The following MPC1 variants were observed in gnomAD, a reference collection of about 807,000 sequenced individuals.
The protein encoded by MPC1 is HSPC040 protein.
A neutral mutation model predicts 13.9 loss-of-function variants in MPC1; 6 were observed. The ratio of observed to expected loss-of-function variants is 0.43; its 90% CI spans 0.24 to 0.85. The LOEUF is 0.85. Ranked by LOEUF, MPC1 falls within the 40% of genes least tolerant of loss-of-function variation. The pLI, the probability that MPC1 is intolerant of heterozygous loss-of-function variation, is 0.24. For synonymous variants in MPC1, 47 were observed against 50.5 expected (o/e 0.93, Z 0.29); for missense variants, 115 against 143.3 (o/e 0.80, Z 1.01).
chr6:166,368,811 C>T (rs1393120824), intron 2 of MPC1: 3 of 985,350 alleles, frequency 3.0e-6, no homozygotes, highest in African/African-American at 1.7e-5. Context: ...CTTCCTTTTC[C>T]TCCTTTTTTG....
At chr6:166,380,989 T>C (rs1779759539) in intron 1 of MPC1, among the ~76,000 whole-genome samples, 2 of 148,400 alleles carry the variant, frequency 1.3e-5, no homozygotes, top group Admixed American at 6.7e-5. Flanking sequence ...TAAGTAATTA[T>C]CAGCATAATT....
intron 1 of MPC1, among the ~76,000 whole-genome samples, chr6:166,379,776 GAAGAA>G (rs1396164648): frequency 7.2e-5 from 11 of 152,192 alleles, no homozygotes; most frequent in Admixed American, 6.5e-4. Flanking sequence ...TTTCTGATTA[GAAGAA>G]AAGAGATACA....
At chr6:166,377,411 CAGG>C (rs1362346728) in intron 1 of MPC1, among the ~76,000 whole-genome samples, 1 of 152,080 alleles carries the variant, frequency 6.6e-6, no homozygotes, top group Non-Finnish European at 1.5e-5. Flanking sequence ...CAGGCTGAAC[CAGG>C]AGGAGATTTG....
At chr6:166,369,937 T>A in intron 2 of MPC1, 3 of 578,898 alleles carry the variant, frequency 5.2e-6, no homozygotes. Context: ...TCTATTTCCT[T>A]TCATCGGTTG....
chr6:166,365,385 T>C lies in MPC1; in HGVS notation c.*44A>G. On this transcript the variant is annotated 3_prime_UTR_variant, in exon 5 of 5. Coordinates refer to ENST00000360961, the MANE Select transcript of MPC1 (RefSeq NM_016098.4). The surrounding 1 kb of genome is among the most constrained non-coding windows in gnomAD (Gnocchi z 4.2). ...ATGAAATCTGTGACTCAGCAGCAGC[T>C]GGCAATGCTGTCCCTTCAAGACCTT... is the stretch of plus-strand genomic sequence containing the variant. 1 of 1,486,474 alleles carries C rather than the reference T, an allele frequency of 6.7e-7. No individual in the cohort carries two copies. The highest frequency in any genetic ancestry group is 9.0e-7 in the Non-Finnish European group (1 of 1,110,540). The allele number at this position is 1,486,474 out of a possible 1,614,324, so 92.1% of individuals were successfully genotyped here.
chr6:166,375,426 TCTG>T (rs1438355868), intron 1 of MPC1, among the ~76,000 whole-genome samples: 12 of 151,294 alleles, frequency 7.9e-5, no homozygotes, highest in South Asian at 4.2e-4. Flanking sequence ...TTTCCCTTCT[TCTG>T]CTTATTTTCA....
chr6:166,369,909 GCTTTCTCTTTTT>G (rs1374176147), intron 2 of MPC1: 5 of 491,968 alleles, frequency 1.0e-5, no homozygotes, highest in African/African-American at 3.9e-5. Flanking sequence ...TTCTTTTCCT[GCTTTCTCTTTTT>G]CTTTCTCTAT....
At position 166,382,745 on chromosome 6, in the gene MPC1, CG is replaced by C. The variant is rs1229783077; in HGVS notation, c.71+60del. 5 of 1,499,118 alleles carry C rather than the reference CG, an allele frequency of 3.3e-6. No individual in the cohort carries two copies. In the African/African-American group the frequency reaches 7.3e-5, roughly 22 times the overall value. The allele number at this position is 1,499,118 out of a possible 1,614,324, so 92.9% of individuals were successfully genotyped here. ...GCGGCCGCCCTCGTCGCGGACTGCA[CG>C]GGTCGCAGCCTCCCGGGAGCCCCTC... On this transcript the variant is annotated intron_variant, in intron 1 of 4. Coordinates refer to ENST00000360961, the MANE Select transcript of MPC1 (RefSeq NM_016098.4).
intron 2 of MPC1, among the ~76,000 whole-genome samples, chr6:166,368,559 A>AG (rs1315529265): frequency 6.9e-6 from 1 of 145,648 alleles, no homozygotes; most frequent in Non-Finnish European, 1.5e-5. Flanking sequence ...GTCTCAGGGA[A>AG]AAAAAAAAAA....
chr6:166,365,840 T>C lies in MPC1; in HGVS notation c.305+134A>G. ...ATGTTAACTTTCATGGTTTAGTAAGTTGTTTCCCCAACTGCTAAAGCGCAT... is the reference window on the plus strand; with the variant it reads ...ATGTTAACTTTCATGGTTTAGTAAGCTGTTTCCCCAACTGCTAAAGCGCAT... On this transcript the variant is annotated intron_variant, in intron 4 of 4. Coordinates refer to ENST00000360961, the MANE Select transcript of MPC1 (RefSeq NM_016098.4). This position sits in a 1 kb window ranked among gnomAD's most constrained non-coding sequence, Gnocchi z 4.2. 1 of 1,179,602 alleles carries C rather than the reference T, an allele frequency of 8.5e-7. No individual in the cohort carries two copies. Among genetic ancestry groups the C allele is most frequent in the South Asian group, 1.7e-5 (1 of 57,524 alleles). 73.1% of individuals were successfully genotyped at this position (1,179,602 alleles called of 1,614,324 possible). A position where few individuals can be genotyped will look rare whatever the true frequency, so the allele number is the denominator to read the frequency against.
rs1039953206 is a variant in MPC1 at position 166,365,432 on chromosome 6, T to C, written c.327A>G (p.Ala109=). ...IKHEMTKTAS[A] ...CCTTGTTCTTCCTTTTCCATTGTTATGCAGATGCCGTTTTAGTCATCCTGG... is the reference window on the plus strand; with the variant it reads ...CCTTGTTCTTCCTTTTCCATTGTTACGCAGATGCCGTTTTAGTCATCCTGG... The change falls in exon 5 of 5, where the codon GCA becomes GCG. Residue 109 remains alanine, a synonymous_variant. Coordinates refer to ENST00000360961, the MANE Select transcript of MPC1 (RefSeq NM_016098.4). The surrounding 1 kb of genome is among the most constrained non-coding windows in gnomAD (Gnocchi z 4.2). 5.1e-6 allele frequency: 8 copies of C among 1,581,712 alleles called. No homozygotes were observed. In the African/African-American group the frequency reaches 1.1e-4, roughly 21 times the overall value.
chr6:166,380,939 CAAAAAAAAAA>C (rs1175434820), intron 1 of MPC1, among the ~76,000 whole-genome samples: 6 of 47,734 alleles, frequency 1.3e-4, no homozygotes, highest in Non-Finnish European at 2.3e-4. Context: ...AACTCTGTCT[CAAAAAAAAAA>C]AAAAAAAAAA....
chr6:166,369,901 CT>C, intron 2 of MPC1: 1 of 474,162 alleles, frequency 2.1e-6, no homozygotes. Flanking sequence ...TCCCACCCTT[CT>C]TTTCCTGCTT....
At chr6:166,367,090 A>G (rs1779187404) in intron 2 of MPC1, 199 bp from the exon 3 acceptor site, 2 of 1,429,992 alleles carry the variant, frequency 1.4e-6, no homozygotes, top group Non-Finnish European at 1.8e-6. Flanking sequence ...AGGAATCAGC[A>G]GTTCTTACAG....
intron 1 of MPC1, among the ~76,000 whole-genome samples, chr6:166,377,144 A>C (rs1583070035): frequency 8.4e-6 from 1 of 118,354 alleles, no homozygotes; most frequent in Non-Finnish European, 1.7e-5. Context: ...ATTATTATTT[A>C]TTCTTTTTTT....
At chr6:166,379,850 C>T (rs1209108842) in intron 1 of MPC1, among the ~76,000 whole-genome samples, 1 of 152,162 alleles carries the variant, frequency 6.6e-6, no homozygotes, top group Non-Finnish European at 1.5e-5. Context: ...GGGCTGTAAG[C>T]GTAAAGCTTG....
At chr6:166,372,649 T>C (rs1647575792) in intron 1 of MPC1, among the ~76,000 whole-genome samples, 1 of 151,716 alleles carries the variant, frequency 6.6e-6, no homozygotes, top group African/African-American at 2.4e-5. Flanking sequence ...CTAGAATGCA[T>C]GAATCAACAA....
chr6:166,381,709 C>T (rs1380079452), intron 1 of MPC1: 8 of 623,256 alleles, frequency 1.3e-5, no homozygotes, highest in African/African-American at 2.0e-5. Context: ...GCTTTCCAAC[C>T]GCGAATGCTC....
intron 2 of MPC1, among the ~76,000 whole-genome samples, chr6:166,367,597 C>T (rs1779210309): frequency 6.6e-6 from 1 of 152,274 alleles, no homozygotes; most frequent in East Asian, 1.9e-4. Flanking sequence ...AAAGTGAAGT[C>T]GTCTGTGTTT....
Sources: allele counts gnomAD v4.1 joint callset (sites outside exome capture counted in the v4.1 genomes callset), GRCh38; gene constraint gnomAD v4.1.1; non-coding constraint Gnocchi (gnomAD v3.1); transcripts MANE v1.5; gene names NCBI Gene and HGNC (gene_info 2026-07-23, HGNC 2026-07-21).